Variants in POLRMT observed in about 807,000 individuals in gnomAD.
POLRMT encodes the protein RNA polymerase mitochondrial.
Under a neutral mutation model 132.2 loss-of-function variants are expected in POLRMT, and 114 were observed. The observed-to-expected ratio is 0.86, with a 90% CI of 0.74 to 1.01. The LOEUF (loss-of-function observed/expected upper bound fraction) is 1.01, where lower values mean the gene tolerates loss of function less well. POLRMT is among the 50% of genes least tolerant of loss of function. POLRMT has a pLI of 0.00. For missense variants in POLRMT, 2,003 were observed against 1,729.1 expected (o/e 1.16, Z -2.81); for synonymous variants, 1,020 against 773.4 (o/e 1.32, Z -5.29).
At chr19:620,184 C>G (rs1355451105) in intron 11 of POLRMT, 104 bp from the exon 12 acceptor site, 2 of 1,488,678 alleles carry the variant, frequency 1.3e-6, no homozygotes, top group African/African-American at 1.4e-5. Flanking sequence ...CGTGCACCCC[C>G]CAGCCAAGTG....
chr19:618,437 G>C, intron 17 of POLRMT, 51 bp downstream of exon 17: 1 of 1,420,574 alleles, frequency 7.0e-7, no homozygotes, highest in Non-Finnish European at 9.7e-7. Flanking sequence ...CTGCTAGCCA[G>C]AAGACGCCCC....
intron 10 of POLRMT, among the ~76,000 whole-genome samples, chr19:620,830 G>A (rs1398877429): frequency 2.6e-5 from 3 of 117,334 alleles, no homozygotes; most frequent in East Asian, 2.5e-4. Flanking sequence ...CAGGGGAGAA[G>A]GGAGAAGCAG....
intron 5 of POLRMT, 72 bp downstream of exon 5, chr19:624,647 G>C (rs930409348): frequency 3.3e-6 from 5 of 1,532,470 alleles, no homozygotes; most frequent in Non-Finnish European, 4.4e-6. Context: ...CCATTGGTCT[G>C]AGCTGAGGCT....
intron 3 of POLRMT, among the ~76,000 whole-genome samples, chr19:625,777 G>T (rs1323992228): frequency 4.0e-5 from 6 of 150,698 alleles, no homozygotes; most frequent in Admixed American, 4.0e-4. Flanking sequence ...TCTCAGCTGG[G>T]CCGGGTTCTC....
intron 3 of POLRMT, among the ~76,000 whole-genome samples, chr19:627,426 A>C (rs563360820): frequency 6.6e-6 from 1 of 151,192 alleles, no homozygotes; most frequent in Non-Finnish European, 1.5e-5. Context: ...TGCTGGGATT[A>C]CAGGCGTGAG....
chr19:620,559 G>C lies in POLRMT; in HGVS notation c.2641-72C>G, dbSNP rs968201433. 2.8e-6 allele frequency: 4 copies of C among 1,449,846 alleles called. No homozygotes were observed. The African/African-American group carries it at 4.3e-5, about 15-fold the overall frequency. The allele number at this position is 1,449,846 out of a possible 1,614,324, so 89.8% of individuals were successfully genotyped here. ...TGAGCCCGCTGGGAGGCTGTGTTGCGGGGAGGTGGGAAATGGGGAGGAGAC... is the reference window on the plus strand; with the variant it reads ...TGAGCCCGCTGGGAGGCTGTGTTGCCGGGAGGTGGGAAATGGGGAGGAGAC... On this transcript the variant is annotated intron_variant, in intron 10 of 20. Coordinates refer to ENST00000588649, the MANE Select transcript of POLRMT (RefSeq NM_005035.4).
In POLRMT at chr19:633,503, G is replaced by T; in HGVS notation, c.10C>A (p.Leu4Ile). 2 of 1,495,208 alleles carry T rather than the reference G, an allele frequency of 1.3e-6. No homozygotes were observed. Among genetic ancestry groups the T allele is most frequent in the African/African-American group, 1.5e-5 (1 of 64,796 alleles). The allele number at this position is 1,495,208 out of a possible 1,614,324, so 92.6% of individuals were successfully genotyped here. A position where few individuals can be genotyped will look rare whatever the true frequency, so the allele number is the denominator to read the frequency against. ...CCCGCCGCTCCGCGGCCCCAGCAAA[G>T]TGCCGACATTACGCACGCCGCTCCA... is the stretch of plus-strand genomic sequence containing the variant. The part of the protein sequence containing the change: MSA[L>I]CWGRGAAGLK... The change falls in exon 1 of 21, where the codon CTT becomes ATT. Residue 4 changes from leucine (L) to isoleucine (I), a missense_variant. Coordinates refer to ENST00000588649, the MANE Select transcript of POLRMT (RefSeq NM_005035.4).
At position 619,304 on chromosome 19, in the gene POLRMT, G is replaced by A. The variant is rs201805260; in HGVS notation, c.3067-8C>T. On this transcript the variant is annotated splice_region_variant and splice_polypyrimidine_tract_variant and intron_variant, in intron 13 of 20. Coordinates refer to ENST00000588649, the MANE Select transcript of POLRMT (RefSeq NM_005035.4). Reference sequence around the variant, plus strand: ...GGCCTCCCACACGAACTCCTGCAGAGGGCGGGCAGCAGGTGCAGGTCCTCA... The same window carrying A: ...GGCCTCCCACACGAACTCCTGCAGAAGGCGGGCAGCAGGTGCAGGTCCTCA... 3.0e-5 allele frequency: 48 copies of A among 1,608,716 alleles called. No individual in the cohort carries two copies. The highest frequency in any genetic ancestry group is 4.5e-4 in the Middle Eastern group (2 of 4,474).
chr19:618,585 TTC>T lies in POLRMT; in HGVS notation c.3324-1_3324del. ...TTCTTCTGCTTACGTGTGTTGGGCTTTCTGAGGACGGAACAGGTGCCGGTGGG... is the reference window on the plus strand; with the variant it reads ...TTCTTCTGCTTACGTGTGTTGGGCTTTGAGGACGGAACAGGTGCCGGTGGG... On this transcript the variant is annotated splice_acceptor_variant and coding_sequence_variant, in exon 17 of 21. Transcript: ENST00000588649. LOFTEE classifies it high-confidence loss of function. The T allele has an allele frequency of 6.2e-7, 1 of 1,611,864 alleles. No individual in the cohort carries two copies. The highest frequency in any genetic ancestry group is 1.1e-5 in the South Asian group (1 of 90,962).
intron 2 of POLRMT, among the ~76,000 whole-genome samples, chr19:630,824 T>C (rs1380147858): frequency 6.6e-6 from 1 of 152,196 alleles, no homozygotes; most frequent in Admixed American, 6.5e-5. Flanking sequence ...AACCAATCAA[T>C]GCCTAAGTGT....
chr19:631,412 G>A (rs1360560286), intron 2 of POLRMT, among the ~76,000 whole-genome samples: 1 of 151,464 alleles, frequency 6.6e-6, no homozygotes, highest in East Asian at 2.0e-4. Flanking sequence ...GGCCGAGGCA[G>A]GCGGATCACG....
intron 3 of POLRMT, among the ~76,000 whole-genome samples, chr19:626,356 G>A (rs979788844): frequency 1.3e-5 from 2 of 151,028 alleles, no homozygotes; most frequent in Non-Finnish European, 3.0e-5. Flanking sequence ...GTTTCGCCCT[G>A]TTGGCCAGGC....
intron 19 of POLRMT, 34 bp downstream of exon 19, chr19:617,536 G>GGGGGGGC: frequency 6.2e-7 from 1 of 1,603,534 alleles, no homozygotes; most frequent in Non-Finnish European, 8.5e-7. Context: ...GGTGGGGGGG[G>GGGGGGGC]AATCCAGGTA....
At position 621,081 on chromosome 19, in the gene POLRMT, C is replaced by T; in HGVS notation, c.2617G>A (p.Asp873Asn). ...ACCGTCAAGGGTTGGTCCGCGGAGT[C>T]CAGGATGTCATCCATCACCTCCTCC... is the stretch of plus-strand genomic sequence containing the variant. ...FAEEVMDDILDSADQPLTGRK... is the reference protein window; with the variant it reads ...FAEEVMDDILNSADQPLTGRK... The change falls in exon 10 of 21, where the codon GAC becomes AAC. Residue 873 changes from aspartate (D) to asparagine (N), a missense_variant. Transcript: ENST00000588649. The T allele has an allele frequency of 3.7e-6, 6 of 1,603,618 alleles. No individual in the cohort carries two copies. Among genetic ancestry groups the T allele is most frequent in the Non-Finnish European group, 5.1e-6 (6 of 1,176,822 alleles).
Position 625,189 on chromosome 19 carries a change from C to T in POLRMT, c.888G>A (p.Leu296=). Reference sequence around the variant, plus strand: ...ACTGGAGGGCAGCCGCATAGGACAGCAGGTCCGGAGTCAAGCCGGCATCCT... The same window carrying T: ...ACTGGAGGGCAGCCGCATAGGACAGTAGGTCCGGAGTCAAGCCGGCATCCT... The part of the protein sequence containing the change: ...MVKDAGLTPD[L]LSYAAALQCM... The change falls in exon 4 of 21, where the codon CTG becomes CTA. Residue 296 remains leucine, a synonymous_variant. Transcript: ENST00000588649. 6.2e-7 allele frequency: 1 copy of T among 1,614,068 alleles called. No individual in the cohort carries two copies. The highest frequency in any genetic ancestry group is 1.1e-5 in the South Asian group (1 of 91,084).
chr19:628,420 G>T (rs1985174765), intron 3 of POLRMT, among the ~76,000 whole-genome samples: 1 of 152,218 alleles, frequency 6.6e-6, no homozygotes, highest in South Asian at 2.1e-4. Context: ...CCACCTCGCG[G>T]TAAGAGCACT....
At chr19:625,053 G>C in intron 4 of POLRMT, 71 bp downstream of exon 4, 1 of 1,546,264 alleles carries the variant, frequency 6.5e-7, no homozygotes, top group Admixed American at 1.9e-5. Context: ...CCCCAGCCCA[G>C]GCACCGTCCC....
Position 621,367 on chromosome 19 carries a change from C to T in POLRMT, c.2331G>A (p.Ala777=), listed in dbSNP as rs776509160. 11 of 1,560,702 alleles carry T rather than the reference C, an allele frequency of 7.0e-6. No homozygotes were observed. In the South Asian group the frequency reaches 9.2e-5, roughly 13 times the overall value. The part of the protein sequence containing the change: ...KVAREMHSLR[A]EALYRLSLAQ... ...CCAGCGAGAGGCGGTACAGCGCCTC[C>T]GCCCGCAGGCTGTGCATCTCCCGGG... The change falls in exon 10 of 21, where the codon GCG becomes GCA. Residue 777 remains alanine, a synonymous_variant. Coordinates refer to ENST00000588649, the MANE Select transcript of POLRMT (RefSeq NM_005035.4).
In POLRMT at chr19:633,204, G is replaced by C. The variant is rs1341003427; in HGVS notation, c.88+221C>G. On this transcript the variant is annotated intron_variant, in intron 1 of 20. Coordinates refer to ENST00000588649, the MANE Select transcript of POLRMT (RefSeq NM_005035.4). ...TAAGAGCCCTAAACACCACACCTGG[G>C]GTCAGGAGGCTGCATAAGAAACCAC... 7 of 599,982 alleles carry C rather than the reference G, an allele frequency of 1.2e-5. 1 individual carries two copies. Among genetic ancestry groups the C allele is most frequent in the African/African-American group, 4.0e-5 (2 of 50,480 alleles). The allele number at this position is 599,982 out of a possible 1,614,324, so 37.2% of individuals were successfully genotyped here.
Sources: gnomAD v4.1 joint callset for allele counts (sites outside exome capture counted in the v4.1 genomes callset) on GRCh38, gnomAD v4.1.1 for gene constraint, MANE v1.5 for transcripts, NCBI Gene and HGNC (gene_info 2026-07-23, HGNC 2026-07-21) for gene names.